Variants in EDN1 observed in about 807,000 individuals in gnomAD.
EDN1 encodes the protein endothelin-1.
EDN1 carries 11 observed loss-of-function variants against 21.7 expected under a neutral mutation model. The observed-to-expected ratio is 0.51, with a 90% CI of 0.32 to 0.84. The LOEUF is 0.84. EDN1 is among the 40% of genes least tolerant of loss of function. The probability of loss-of-function intolerance (pLI) is 0.03; values close to 1 mark genes in which losing one functional copy is unlikely to be tolerated. For synonymous variants in EDN1, 85 were observed against 90.6 expected (o/e 0.94, Z 0.35); for missense variants, 244 against 262.3 (o/e 0.93, Z 0.48).
chr6:12,260,975 G>C, the EDN1 span, among the ~76,000 whole-genome samples: 1 of 152,158 alleles, frequency 6.6e-6, no homozygotes, highest in African/African-American at 2.4e-5. Context: ...GTCACTATAT[G>C]ACAAAAGCTA....
the EDN1 span, among the ~76,000 whole-genome samples, chr6:12,269,843 C>T: frequency 1.3e-5 from 2 of 151,876 alleles, no homozygotes; most frequent in Non-Finnish European, 2.9e-5. Flanking sequence ...GGAAGAATTA[C>T]CTCCTTTTCA....
the EDN1 span, among the ~76,000 whole-genome samples, chr6:12,241,812 A>C: frequency 3.9e-5 from 6 of 152,152 alleles, no homozygotes. Context: ...GTTTATCTTC[A>C]GTAACTTTTG....
At chr6:12,236,768 C>CTTTT in the EDN1 span, among the ~76,000 whole-genome samples, 1 of 144,416 alleles carries the variant, frequency 6.9e-6, no homozygotes, top group Non-Finnish European at 1.5e-5. Flanking sequence ...GCCAATATTT[C>CTTTT]TTTTTTTTTT....
the EDN1 span, among the ~76,000 whole-genome samples, chr6:12,278,003 T>A: frequency 2.0e-5 from 3 of 152,264 alleles, no homozygotes; most frequent in African/African-American, 7.2e-5. Flanking sequence ...GACTTGGTTA[T>A]GAATTAAAGA....
the EDN1 span, among the ~76,000 whole-genome samples, chr6:12,258,690 ACCAAAT>A: frequency 6.6e-6 from 1 of 152,148 alleles, no homozygotes; most frequent in Admixed American, 6.5e-5. Flanking sequence ...ATCACCATTG[ACCAAAT>A]CTTCAAGGCT....
intron 1 of EDN1, 105 bp downstream of exon 1, chr6:12,290,798 T>G (rs940453755): frequency 2.0e-6 from 2 of 1,000,626 alleles, no homozygotes; most frequent in Non-Finnish European, 1.6e-6. Flanking sequence ...TTTTTATGAC[T>G]GCAGCTTAGA....
the EDN1 span, among the ~76,000 whole-genome samples, chr6:12,260,247 A>C: frequency 6.6e-6 from 1 of 152,200 alleles, no homozygotes; most frequent in Non-Finnish European, 1.5e-5. Flanking sequence ...ATTCAAGGTC[A>C]TACCATTTTT....
chr6:12,263,065 A>G, the EDN1 span, among the ~76,000 whole-genome samples: 2 of 152,176 alleles, frequency 1.3e-5, no homozygotes, highest in African/African-American at 2.4e-5. Flanking sequence ...AGCAGGACAC[A>G]TAACTGTGAA....
chr6:12,269,312 A>G, the EDN1 span, among the ~76,000 whole-genome samples: 2 of 152,014 alleles, frequency 1.3e-5, no homozygotes, highest in African/African-American at 4.8e-5. Flanking sequence ...TTCAATTTGA[A>G]TGACCTTTCT....
chr6:12,295,855 A>G, intron 4 of EDN1, 107 bp from the exon 5 acceptor site: 11 of 1,124,244 alleles, frequency 9.8e-6, no homozygotes, highest in Non-Finnish European at 1.4e-5. Flanking sequence ...AAAGTTCACA[A>G]CCAGATTCAG....
intron 4 of EDN1, 98 bp downstream of exon 4, chr6:12,294,502 G>A (rs1351364080): frequency 1.2e-5 from 17 of 1,454,512 alleles, no homozygotes; most frequent in Middle Eastern, 3.5e-4. Context: ...CTTCTTACCC[G>A]GGCAGGTGAA....
At chr6:12,258,018 T>G in the EDN1 span, among the ~76,000 whole-genome samples, 1 of 152,046 alleles carries the variant, frequency 6.6e-6, no homozygotes, top group Non-Finnish European at 1.5e-5. Flanking sequence ...GGAGTGCAAA[T>G]AATTCTGACA....
chr6:12,261,878 T>C, the EDN1 span, among the ~76,000 whole-genome samples: 3 of 152,140 alleles, frequency 2.0e-5, no homozygotes, highest in East Asian at 5.8e-4. Flanking sequence ...CAGGCTGCTC[T>C]CAATGGAATG....
At chr6:12,285,571 T>TTTTTA (rs1762549174), upstream of EDN1, among the ~76,000 whole-genome samples, 1 of 152,028 alleles carries the variant, frequency 6.6e-6, no homozygotes, top group African/African-American at 2.4e-5. Context: ...TGTACGAACA[T>TTTTTA]TTTTATTTTA....
chr6:12,257,078 A>G, the EDN1 span, among the ~76,000 whole-genome samples: 1 of 152,234 alleles, frequency 6.6e-6, no homozygotes, highest in Admixed American at 6.5e-5. Context: ...AACACATTTG[A>G]TGTTGCTAAT....
At chr6:12,237,749 T>C in the EDN1 span, among the ~76,000 whole-genome samples, 1 of 152,236 alleles carries the variant, frequency 6.6e-6, no homozygotes, top group East Asian at 1.9e-4. Flanking sequence ...CATATACTTC[T>C]ATTCTTGGTG....
upstream of EDN1, among the ~76,000 whole-genome samples, chr6:12,288,790 G>A (rs1762608046): frequency 6.6e-6 from 1 of 152,150 alleles, no homozygotes; most frequent in East Asian, 1.9e-4. Context: ...TTTAGAAGGA[G>A]GAGGGAAAAA....
chr6:12,233,761 T>C, the EDN1 span, among the ~76,000 whole-genome samples: 22 of 152,192 alleles, frequency 1.4e-4, no homozygotes, highest in African/African-American at 4.3e-4. Flanking sequence ...CATCAGTCAT[T>C]GCACTACGAG....
Position 12,292,231 on chromosome 6 carries a change from G to A in EDN1, c.65-110G>A, listed in dbSNP as rs1246559595. The A allele has an allele frequency of 6.1e-6, 9 of 1,471,170 alleles. No individual in the cohort carries two copies. In the African/African-American group the frequency reaches 9.7e-5, roughly 16 times the overall value. 91.1% of individuals were successfully genotyped at this position (1,471,170 alleles called of 1,614,324 possible). On this transcript the variant is annotated intron_variant, in intron 1 of 4. Coordinates refer to ENST00000379375, the MANE Select transcript of EDN1 (RefSeq NM_001955.5). ...GTGTTTCTTGCTGATGGCAGGCTGTGTGCTTCATCTGCTTTTATCTGCTCT... is the reference window on the plus strand; with the variant it reads ...GTGTTTCTTGCTGATGGCAGGCTGTATGCTTCATCTGCTTTTATCTGCTCT...
Sources: allele counts gnomAD v4.1 joint callset (sites outside exome capture counted in the v4.1 genomes callset), GRCh38; gene constraint gnomAD v4.1.1; transcripts MANE v1.5; gene names NCBI Gene and HGNC (gene_info 2026-07-23, HGNC 2026-07-21).